The following DMD variants were observed in gnomAD, a reference collection of about 807,000 sequenced individuals.
DMD encodes the protein mutant dystrophin.
DMD carries 63 observed loss-of-function variants against 330.1 expected under a neutral mutation model. The ratio of observed to expected loss-of-function variants is 0.19; its 90% confidence interval spans 0.16 to 0.24. DMD has a LOEUF of 0.24. Among genes scored for constraint, DMD ranks in the 10% least tolerant of loss-of-function variants. DMD has a pLI of 1.00. For missense variants in DMD, 3,344 were observed against 2,684.1 expected (o/e 1.25, Z -5.43); for synonymous variants, 1,223 against 959.8 (o/e 1.27, Z -5.07).
rs778358361 is a variant in DMD at position 32,781,778 on chromosome X, T to A, written c.649+27715A>T. Among the ~76,000 whole-genome samples the A allele has an allele frequency of 6.3e-5, 7 of 111,472 alleles. No individual in the cohort carries two copies. The South Asian group carries it at 2.3e-3, about 36-fold the overall frequency. Reference sequence around the variant, plus strand: ...AAGGCAAAGTAGCTTACTTTACCTATCTCAGAGAGAAAACTAGCCTAAACA... The same window carrying A: ...AAGGCAAAGTAGCTTACTTTACCTAACTCAGAGAGAAAACTAGCCTAAACA... On this transcript the variant is annotated intron_variant, in intron 7 of 78. Transcript: ENST00000357033.
rs1205959736 is a variant in DMD, at chrX:31,187,716, TCAGAGAGAGAGAGAGAGAGAGAGA to T, written c.9808-4836_9808-4813del. 1.6e-3 allele frequency among the ~76,000 whole-genome samples: 126 copies of T among 76,624 alleles called. 1 individual carries two copies. The highest frequency in any genetic ancestry group is 6.2e-3 in the African/African-American group (119 of 19,265). 66.5% of individuals were successfully genotyped at this position (76,624 alleles called of 115,157 possible). A position where few individuals can be genotyped will look rare whatever the true frequency, so the allele number is the denominator to read the frequency against. On this transcript the variant is annotated intron_variant, in intron 67 of 78. Transcript: ENST00000357033. ...TCAGCTCTGGAATCTTCCCAGATTC[TCAGAGAGAGAGAGAGAGAGAGAGA>T]GAGAGAGAGAGAGAGAGAGAGAGAG...
chrX:32,125,871 C>T (rs977400101), intron 44 of DMD, among the ~76,000 whole-genome samples: 2 of 111,769 alleles, frequency 1.8e-5, no homozygotes, highest in East Asian at 2.8e-4. Flanking sequence ...CCACCTTTAT[C>T]GATATTTCTT....
chrX:32,737,180 A>C (rs377203692), intron 7 of DMD, among the ~76,000 whole-genome samples: 21 of 110,308 alleles, frequency 1.9e-4, no homozygotes, highest in African/African-American at 5.6e-4. Flanking sequence ...TTTTTTCTTG[A>C]AAACTCAGCC....
chrX:32,401,669 T>TA (rs755996786), intron 30 of DMD, among the ~76,000 whole-genome samples: 1 of 111,713 alleles, frequency 9.0e-6, no homozygotes, highest in African/African-American at 3.2e-5. Context: ...ATGACCATAA[T>TA]AAAAAAGTAA....
In DMD at chrX:32,430,386, C is replaced by A. The variant is rs192183327; in HGVS notation, c.4071+7855G>T. 2.8e-4 allele frequency among the ~76,000 whole-genome samples: 31 copies of A among 111,538 alleles called. No homozygotes were observed. The East Asian group carries it at 7.9e-3, about 28-fold the overall frequency. ...CCTTTAATATCCTTCATATATTACT[C>A]CATCTCCATTTCTCAAAAAAATTAT... On this transcript the variant is annotated intron_variant, in intron 29 of 78. Transcript: ENST00000357033.
intron 1 of DMD, among the ~76,000 whole-genome samples, chrX:33,272,612 G>A (rs1056381498): frequency 1.8e-4 from 20 of 109,668 alleles, no homozygotes; most frequent in African/African-American, 6.6e-4. Context: ...AGGAACTGAT[G>A]GTGATTGTTG....
intron 45 of DMD, among the ~76,000 whole-genome samples, chrX:31,942,666 A>G (rs1237720270): frequency 2.7e-5 from 3 of 111,531 alleles, no homozygotes; most frequent in Non-Finnish European, 3.8e-5. Flanking sequence ...GACATCCCCA[A>G]CCCAGGTATA....
chrX:32,392,648 AT>A (rs1410965860), intron 30 of DMD, among the ~76,000 whole-genome samples: 1 of 112,016 alleles, frequency 8.9e-6, no homozygotes, highest in Non-Finnish European at 1.9e-5. Flanking sequence ...GGTGAAGTTT[AT>A]TTCTTCAGCT....
At chrX:32,372,895 A>G (rs1326465932) in intron 34 of DMD, among the ~76,000 whole-genome samples, 1 of 111,096 alleles carries the variant, frequency 9.0e-6, no homozygotes, top group African/African-American at 3.3e-5. Flanking sequence ...TTTAAAATAT[A>G]TTCTTTTTTT....
intron 2 of DMD, among the ~76,000 whole-genome samples, chrX:32,893,586 G>A (rs2085423273): frequency 8.9e-6 from 1 of 111,877 alleles, no homozygotes; most frequent in Non-Finnish European, 1.9e-5. Flanking sequence ...AATTTGCTGT[G>A]ATAAACAGTG....
intron 44 of DMD, among the ~76,000 whole-genome samples, chrX:32,167,395 C>A (rs1490913606): frequency 9.0e-6 from 1 of 111,725 alleles, no homozygotes; most frequent in Non-Finnish European, 1.9e-5. Context: ...TCTGATGCTA[C>A]CTTTGTGATG....
intron 2 of DMD, among the ~76,000 whole-genome samples, chrX:33,006,232 T>C (rs904964712): frequency 4.5e-5 from 5 of 111,484 alleles, no homozygotes; most frequent in African/African-American, 1.3e-4. Flanking sequence ...CCTTGCCTTA[T>C]ATAGACAAAC....
intron 1 of DMD, among the ~76,000 whole-genome samples, chrX:33,033,837 T>C (rs1456487837): frequency 8.9e-6 from 1 of 112,147 alleles, no homozygotes; most frequent in Non-Finnish European, 1.9e-5. Context: ...AAAATTTGGA[T>C]TTTTATTATA....
chrX:32,021,063 G>A (rs1204190451), intron 44 of DMD, among the ~76,000 whole-genome samples: 4 of 112,159 alleles, frequency 3.6e-5, no homozygotes, highest in African/African-American at 9.7e-5. Flanking sequence ...TACTACTAGC[G>A]AATACTGTTG....
intron 7 of DMD, among the ~76,000 whole-genome samples, chrX:32,792,709 A>C (rs1416260040): frequency 1.8e-5 from 2 of 112,373 alleles, no homozygotes; most frequent in Non-Finnish European, 3.8e-5. Flanking sequence ...AACAGTAAAA[A>C]CAAACAATAA....
chrX:32,784,248 C>T (rs1392606252), intron 7 of DMD, among the ~76,000 whole-genome samples: 2 of 111,350 alleles, frequency 1.8e-5, no homozygotes, highest in East Asian at 2.8e-4. Flanking sequence ...GTTAAGAACC[C>T]GAGGTGTATT....
At chrX:32,988,147 G>A (rs770053143) in intron 2 of DMD, among the ~76,000 whole-genome samples, 1 of 110,984 alleles carries the variant, frequency 9.0e-6, no homozygotes, top group Non-Finnish European at 1.9e-5. Flanking sequence ...GAACTTCTCC[G>A]ATAGAAGAAA....
intron 47 of DMD, among the ~76,000 whole-genome samples, chrX:31,892,662 G>A (rs2094273331): frequency 9.0e-6 from 1 of 111,547 alleles, no homozygotes; most frequent in South Asian, 3.7e-4. Flanking sequence ...CTCCTGGGCT[G>A]CAAATTTGTG....
rs371928525 is a variant in DMD at position 31,178,689 on chromosome X, T to C, written c.10203A>G (p.Leu3401=). 1.3e-5 allele frequency: 16 copies of C among 1,209,431 alleles called. No homozygotes were observed. The highest frequency in any genetic ancestry group is 1.2e-4 in the African/African-American group (7 of 57,324). The part of the protein sequence containing the change: ...RMGYLPVQTV[L]EGDNMETPVT... ...CTCACGTTTCCATGTTGTCCCCCTC[T>C]AAGACAGTCTGCACTGGCAGGTAGC... Residue 3401 remains leucine (L), a synonymous_variant, in exon 70 of 79, where the codon TTA becomes TTG. Coordinates refer to ENST00000357033, the MANE Select transcript of DMD (RefSeq NM_004006.3).
Sources: gnomAD v4.1 joint callset for allele counts (sites outside exome capture counted in the v4.1 genomes callset) on GRCh38, gnomAD v4.1.1 for gene constraint, MANE v1.5 for transcripts, NCBI Gene and HGNC (gene_info 2026-07-23, HGNC 2026-07-21) for gene names.